Variants in RAE1 observed in about 807,000 individuals in gnomAD.
RAE1 encodes mRNA export factor RAE1.
RAE1 carries 13 observed loss-of-function variants against 52.7 expected under a neutral mutation model. That is an observed-to-expected ratio of 0.25 (90% CI 0.16 to 0.39). The LOEUF (loss-of-function observed/expected upper bound fraction) is 0.39. Ranked by LOEUF, RAE1 falls within the 10% of genes least tolerant of loss-of-function variation. The probability of loss-of-function intolerance (pLI) is 1.00; values close to 1 mark genes in which losing one functional copy is unlikely to be tolerated. For missense variants in RAE1, 262 were observed against 459.8 expected, an observed-to-expected ratio of 0.57 and a Z score of 3.93; for synonymous variants, 164 against 153.1, an observed-to-expected ratio of 1.07 and a Z score of -0.52.
chr20:57,370,473 A>G (rs1473199017), intron 8 of RAE1, among the ~76,000 whole-genome samples: 1 of 152,086 alleles, frequency 6.6e-6, no homozygotes, highest in South Asian at 2.1e-4. Flanking sequence ...CCCAAGCACA[A>G]CTGATCTCCC....
chr20:57,374,486 G>A, intron 10 of RAE1, 121 bp from the exon 11 acceptor site: 1 of 910,068 alleles, frequency 1.1e-6, no homozygotes, highest in Non-Finnish European at 1.7e-6. Flanking sequence ...TCAGCGGGCA[G>A]CAGCTGGAAG....
At chr20:57,363,310 TGAGACCAGCCTGGGCAACGTAAG>T (rs1431529129) in intron 4 of RAE1, among the ~76,000 whole-genome samples, 1 of 152,114 alleles carries the variant, frequency 6.6e-6, no homozygotes, top group Non-Finnish European at 1.5e-5. Context: ...GTCAGGAGTT[TGAGACCAGCCTGGGCAACGTAAG>T]GAGACCCGGT....
intron 4 of RAE1, among the ~76,000 whole-genome samples, chr20:57,360,215 A>G (rs373221896): frequency 3.4e-4 from 51 of 152,218 alleles, no homozygotes; most frequent in African/African-American, 1.2e-3. Context: ...TCAACCAAGC[A>G]CTCTGCTCTT....
At chr20:57,352,031 G>T (rs941281678) in intron 1 of RAE1, 6 of 938,190 alleles carry the variant, frequency 6.4e-6, no homozygotes, top group South Asian at 9.9e-5. Flanking sequence ...CCAGCATTCT[G>T]GGGGGGAAGA....
chr20:57,370,863 T>C (rs1410172819), intron 8 of RAE1, among the ~76,000 whole-genome samples: 1 of 152,240 alleles, frequency 6.6e-6, no homozygotes, highest in East Asian at 1.9e-4. Flanking sequence ...TGTGAATATT[T>C]GCAGAGTGAA....
At chr20:57,374,839 A>T (rs994510781) in intron 11 of RAE1, 38 bp downstream of exon 11, 7 of 1,609,808 alleles carry the variant, frequency 4.3e-6, no homozygotes, top group Non-Finnish European at 6.0e-6. Flanking sequence ...GCTCCAAGGC[A>T]GCAGAGCCAG....
intron 4 of RAE1, among the ~76,000 whole-genome samples, chr20:57,362,715 TA>T (rs1385745852): frequency 3.3e-5 from 5 of 152,092 alleles, no homozygotes; most frequent in African/African-American, 1.2e-4. Flanking sequence ...GGAAAAACAA[TA>T]CAGAAAGCAG....
chr20:57,373,619 C>CT (rs34667817), intron 9 of RAE1, 38 bp downstream of exon 9: 142 of 1,613,262 alleles, frequency 8.8e-5, no homozygotes, highest in Admixed American at 3.3e-4. Context: ...TTTCACTGGA[C>CT]TTTTTTTAAC....
intron 4 of RAE1, among the ~76,000 whole-genome samples, chr20:57,361,565 T>C (rs1178582491): frequency 6.6e-6 from 1 of 152,172 alleles, no homozygotes; most frequent in Non-Finnish European, 1.5e-5. Flanking sequence ...TGCGTGAGCA[T>C]CTATTGATTA....
At position 57,365,397 on chromosome 20, in the gene RAE1, C is replaced by T; in HGVS notation, c.330C>T (p.Ala110=). The T allele has an allele frequency of 6.2e-7, 1 of 1,610,562 alleles. No individual in the cohort carries two copies. Among genetic ancestry groups the T allele is most frequent in the African/African-American group, 1.3e-5 (1 of 74,950 alleles). ...KVFTASCDKT[A]KMWDLSSNQA... ...TTACGGCATCGTGTGATAAAACTGC[C>T]AAAATGTGGGACCTCAGCAGTAACC... is the stretch of plus-strand genomic sequence containing the variant. The change falls in exon 5 of 12, where the codon GCC becomes GCT. Residue 110 remains alanine, a synonymous_variant. Transcript: ENST00000395841.
chr20:57,358,877 G>T (rs1408475508), intron 4 of RAE1: 45 of 1,082,456 alleles, frequency 4.2e-5, no homozygotes, highest in Non-Finnish European at 3.6e-6. Context: ...TTTAATGCAG[G>T]GATAGGAGGC....
chr20:57,354,664 T>C (rs774016506), intron 2 of RAE1, 48 bp from the exon 3 acceptor site: 2 of 1,354,470 alleles, frequency 1.5e-6, no homozygotes, highest in East Asian at 2.6e-5. Flanking sequence ...CAATTTGGAA[T>C]GAAGTTGTGA....
chr20:57,367,112 T>TA (rs113847464), intron 7 of RAE1, 33 bp downstream of exon 7: 14,576 of 1,249,676 alleles, frequency 0.012, 6 homozygotes, highest in South Asian at 0.013. Context: ...GTATTTACTT[T>TA]AAAAAAAAAA....
At chr20:57,376,607 G>A (rs2067119452) in intron 11 of RAE1, among the ~76,000 whole-genome samples, 1 of 152,204 alleles carries the variant, frequency 6.6e-6, no homozygotes, top group African/African-American at 2.4e-5. Flanking sequence ...GGTGGGGTGT[G>A]CCATTTGTTT....
At chr20:57,355,212 ATACT>A (rs2066767239) in intron 3 of RAE1, among the ~76,000 whole-genome samples, 7 of 152,206 alleles carry the variant, frequency 4.6e-5, no homozygotes, top group Admixed American at 4.6e-4. Flanking sequence ...ATTTGCCTAG[ATACT>A]TACTCATCAT....
intron 1 of RAE1, 50 bp from the exon 2 acceptor site, chr20:57,353,982 C>T: frequency 6.8e-7 from 1 of 1,472,812 alleles, no homozygotes; most frequent in Non-Finnish European, 9.5e-7. Flanking sequence ...CATTGCCTCT[C>T]AGTGATATTA....
chr20:57,356,590 T>C (rs762632929), intron 4 of RAE1, 52 bp downstream of exon 4: 2 of 1,443,168 alleles, frequency 1.4e-6, no homozygotes, highest in Middle Eastern at 1.7e-4. Context: ...TACAGAATGA[T>C]TTAGAATATT....
Position 57,378,009 on chromosome 20 carries a change from T to C in RAE1, c.1021-4T>C. ...AGATCATTGGTGTTTTTTGCTCTCT[T>C]TAGGGACATGAATTTTATAATCCCC... On this transcript the variant is annotated splice_region_variant and splice_polypyrimidine_tract_variant and intron_variant, in intron 11 of 11. Transcript: ENST00000395841. 1.2e-6 allele frequency: 2 copies of C among 1,605,854 alleles called. No individual in the cohort carries two copies. The highest frequency in any genetic ancestry group is 1.7e-6 in the Non-Finnish European group (2 of 1,172,962).
chr20:57,379,112 C>G lies in RAE1; in HGVS notation c.*1013C>G, dbSNP rs2067152636. ...GGACTAATGTGTGAAGTCTGACTTG[C>G]TGAGTGTAAAATTCTAGTATCGATA... On this transcript the variant is annotated 3_prime_UTR_variant, in exon 12 of 12. Coordinates refer to ENST00000395841, the MANE Select transcript of RAE1 (RefSeq NM_003610.4). The G allele has an allele frequency of 6.6e-6, 1 of 152,112 alleles. No individual in the cohort carries two copies. Among genetic ancestry groups the G allele is most frequent in the African/African-American group, 2.4e-5 (1 of 41,398 alleles). The allele number at this position is 152,112 out of a possible 1,614,324, so 9.4% of individuals were successfully genotyped here. A position where few individuals can be genotyped will look rare whatever the true frequency, so the allele number is the denominator to read the frequency against.
Sources: gnomAD v4.1 joint callset for allele counts (sites outside exome capture counted in the v4.1 genomes callset) on GRCh38, gnomAD v4.1.1 for gene constraint, MANE v1.5 for transcripts, NCBI Gene and HGNC (gene_info 2026-07-23, HGNC 2026-07-21) for gene names.